NHSL1: variants seen among roughly 807,000 people sequenced by gnomAD.
NHSL1 encodes the protein NHS-like protein 1.
Under a neutral mutation model 95.0 loss-of-function variants are expected in NHSL1, and 48 were observed. That is an observed-to-expected ratio of 0.51 (90% CI 0.40 to 0.64). The LOEUF (loss-of-function observed/expected upper bound fraction) is 0.64, where lower values mean the gene tolerates loss of function less well. Ranked by LOEUF, NHSL1 falls within the 30% of genes least tolerant of loss-of-function variation. The pLI is 0.00. For synonymous variants in NHSL1, 783 were observed against 833.9 expected (o/e 0.94, Z 1.05); for missense variants, 1,971 against 2,077.7 (o/e 0.95, Z 1.00).
chr6:138,456,473 CAG>C (rs1777619367), intron 3 of NHSL1, among the ~76,000 whole-genome samples: 1 of 152,154 alleles, frequency 6.6e-6, no homozygotes, highest in East Asian at 1.9e-4. Context: ...TAACAGGAAA[CAG>C]GGAAATTTCG....
Position 138,433,549 on chromosome 6 carries a change from T to C in NHSL1, c.796A>G (p.Thr266Ala), listed in dbSNP as rs1470474050. Residue 266 changes from threonine (T) to alanine (A), a missense_variant, in exon 6 of 8, where the codon ACG becomes GCG. Physicochemically the swap from Thr to Ala is moderately conservative, Grantham distance 58. Coordinates refer to ENST00000343505, the MANE Select transcript of NHSL1 (RefSeq NM_001144060.2). ...GGTGGTACGACCTTCACATCCTCCGTCTGACAGCTGGAGTCCCTGGTTTCT... is the reference window on the plus strand; with the variant it reads ...GGTGGTACGACCTTCACATCCTCCGCCTGACAGCTGGAGTCCCTGGTTTCT... Reference protein sequence around the residue: ...RSETRDSSCQTEDVKVVPPSM... With the variant: ...RSETRDSSCQAEDVKVVPPSM... 1.3e-6 allele frequency: 2 copies of C among 1,551,974 alleles called. No homozygotes were observed. Among genetic ancestry groups the C allele is most frequent in the South Asian group, 2.4e-5 (2 of 84,060 alleles).
chr6:138,607,301 C>T (rs536660303), intron 1 of NHSL1, among the ~76,000 whole-genome samples: 1 of 152,108 alleles, frequency 6.6e-6, no homozygotes. Context: ...AAGTCTCTGA[C>T]CTTATTGCTA....
intron 1 of NHSL1, among the ~76,000 whole-genome samples, chr6:138,527,718 G>A (rs1781968101): frequency 6.6e-6 from 1 of 152,186 alleles, no homozygotes; most frequent in Admixed American, 6.5e-5. Context: ...CAGAGGCTGT[G>A]TAGCATTGAA....
At chr6:138,549,140 T>C (rs1782910905), upstream of NHSL1, among the ~76,000 whole-genome samples, 1 of 152,004 alleles carries the variant, frequency 6.6e-6, no homozygotes, top group Non-Finnish European at 1.5e-5. Context: ...TCCCAGCGCT[T>C]TAGGAGGCCA....
chr6:138,430,345 C>T lies in NHSL1; in HGVS notation c.3952+48G>A. On this transcript the variant is annotated intron_variant, in intron 6 of 7. Coordinates refer to ENST00000343505, the MANE Select transcript of NHSL1 (RefSeq NM_001144060.2). The surrounding 1 kb of genome is among the most constrained non-coding windows in gnomAD (Gnocchi z 4.7). ...TCAACAACCCTATCTGGTTCAGCTG[C>T]ATATGGGCAGAGGGCACAGGAGAGA... 1.4e-6 allele frequency: 2 copies of T among 1,435,980 alleles called. No homozygotes were observed. The highest frequency in any genetic ancestry group is 1.8e-6 in the Non-Finnish European group (2 of 1,090,728). 89.0% of individuals were successfully genotyped at this position (1,435,980 alleles called of 1,614,324 possible).
chr6:138,542,174 G>A (rs1307351194), intron 1 of NHSL1, among the ~76,000 whole-genome samples: 4 of 152,272 alleles, frequency 2.6e-5, no homozygotes, highest in East Asian at 3.9e-4. Context: ...GAAGGAAGGC[G>A]GTAGGAAGAG....
chr6:138,664,311 AT>A (rs1280453189), intron 1 of NHSL1, among the ~76,000 whole-genome samples: 1 of 152,224 alleles, frequency 6.6e-6, no homozygotes, highest in Non-Finnish European at 1.5e-5. Context: ...ACAGTGACAA[AT>A]TCTTACGCGC....
upstream of NHSL1, among the ~76,000 whole-genome samples, chr6:138,500,827 T>A (rs1484482347): frequency 6.6e-6 from 1 of 152,192 alleles, no homozygotes; most frequent in Non-Finnish European, 1.5e-5. Flanking sequence ...AAAGAACACA[T>A]AGAAACGTTA....
chr6:138,557,139 C>G (rs928415487), intron 1 of NHSL1, among the ~76,000 whole-genome samples: 1 of 152,092 alleles, frequency 6.6e-6, no homozygotes, highest in African/African-American at 2.4e-5. Flanking sequence ...ATACAGTCAC[C>G]GGTCCATGAT....
intron 4 of NHSL1, among the ~76,000 whole-genome samples, chr6:138,442,551 A>C (rs1776597794): frequency 6.6e-6 from 1 of 152,212 alleles, no homozygotes; most frequent in Non-Finnish European, 1.5e-5. Flanking sequence ...GCCTTGTGTG[A>C]TGAAATAAGT....
At chr6:138,482,557 A>T (rs1413362609) in intron 2 of NHSL1, among the ~76,000 whole-genome samples, 2 of 152,036 alleles carry the variant, frequency 1.3e-5, no homozygotes, top group African/African-American at 2.4e-5. Context: ...TCCAACCTCC[A>T]GGTTCAGTGA....
chr6:138,635,294 C>T (rs1332877984), intron 1 of NHSL1, among the ~76,000 whole-genome samples: 1 of 151,888 alleles, frequency 6.6e-6, no homozygotes, highest in African/African-American at 2.4e-5. Context: ...AATTGGCAAA[C>T]CTTTAGCCAG....
Position 138,496,201 on chromosome 6 carries a change from C to A in NHSL1, c.211+18G>T. ...CCAGTAACCCAAGAAAATAAGCTCA[C>A]AGAGGATGCCATCTTACCCCTCAGT... is the stretch of plus-strand genomic sequence containing the variant. On this transcript the variant is annotated intron_variant, in intron 2 of 7. Coordinates refer to ENST00000343505, the MANE Select transcript of NHSL1 (RefSeq NM_001144060.2). 1 of 1,550,588 alleles carries A rather than the reference C, an allele frequency of 6.4e-7. No homozygotes were observed. The highest frequency in any genetic ancestry group is 8.7e-7 in the Non-Finnish European group (1 of 1,146,534).
At chr6:138,440,182 A>G (rs898648922) in intron 5 of NHSL1, among the ~76,000 whole-genome samples, 5 of 152,228 alleles carry the variant, frequency 3.3e-5, no homozygotes, top group African/African-American at 1.2e-4. Flanking sequence ...AAGACCAGTT[A>G]AAGTATAAAT....
chr6:138,660,632 C>T (rs1785213948), intron 1 of NHSL1, among the ~76,000 whole-genome samples: 1 of 150,118 alleles, frequency 6.7e-6, no homozygotes, highest in Admixed American at 6.7e-5. Flanking sequence ...CAGAGCAAGA[C>T]TCCGTCTCAA....
chr6:138,522,051 A>G (rs1449811241), intron 1 of NHSL1, among the ~76,000 whole-genome samples: 3 of 152,200 alleles, frequency 2.0e-5, no homozygotes, highest in Non-Finnish European at 2.9e-5. Context: ...AAAGTCAGAA[A>G]AGTGAGCATT....
At position 138,632,759 on chromosome 6, in the gene NHSL1, A is replaced by G. The variant is rs1265627424; in HGVS notation, c.96+59717T>C. 2.0e-5 allele frequency among the ~76,000 whole-genome samples: 3 copies of G among 152,252 alleles called. No homozygotes were observed. In the East Asian group the frequency reaches 5.8e-4, roughly 30 times the overall value. On this transcript the variant is annotated intron_variant, in intron 1 of 3. Coordinates refer to the NHSL1 transcript ENST00000491526. ...AGAAGCATTGGTACATCAAGCCCAGACTGCAAAGACTACAATAAATATCTA... is the reference window on the plus strand; with the variant it reads ...AGAAGCATTGGTACATCAAGCCCAGGCTGCAAAGACTACAATAAATATCTA...
upstream of NHSL1, among the ~76,000 whole-genome samples, chr6:138,546,945 T>A (rs935822685): frequency 1.3e-5 from 2 of 152,182 alleles, no homozygotes; most frequent in East Asian, 3.9e-4. Context: ...AAAAGTACCA[T>A]CTGAACCCTA....
chr6:138,443,054 C>CACATATATATACATATAT (rs1290325214), intron 4 of NHSL1, among the ~76,000 whole-genome samples: 4 of 126,084 alleles, frequency 3.2e-5, no homozygotes, highest in African/African-American at 1.7e-4. Flanking sequence ...TACATATATA[C>CACATATATATACATATAT]ACACACACAT....
Sources: allele counts gnomAD v4.1 joint callset (sites outside exome capture counted in the v4.1 genomes callset), GRCh38; gene constraint gnomAD v4.1.1; non-coding constraint Gnocchi (gnomAD v3.1); transcripts MANE v1.5; gene names NCBI Gene and HGNC (gene_info 2026-07-23, HGNC 2026-07-21).